Variants in FAM193A observed in about 807,000 individuals in gnomAD.
FAM193A encodes family with sequence similarity 193 member A.
A neutral mutation model predicts 126.5 loss-of-function variants in FAM193A; 22 were observed. The observed-to-expected ratio is 0.17, with a 90% CI of 0.12 to 0.25. FAM193A has a LOEUF of 0.25. Ranked by LOEUF, FAM193A falls within the 10% of genes least tolerant of loss-of-function variation. The pLI, the probability that FAM193A is intolerant of heterozygous loss-of-function variation, is 1.00. For synonymous variants in FAM193A, 761 were observed against 646.8 expected (o/e 1.18, Z -2.68); for missense variants, 1,675 against 1,672.8 (o/e 1.00, Z -0.02).
chr4:2,719,682 T>C (rs957204289), intron 20 of FAM193A, among the ~76,000 whole-genome samples: 14 of 150,914 alleles, frequency 9.3e-5, no homozygotes, highest in African/African-American at 3.4e-4. Flanking sequence ...GAGGCGGAGG[T>C]TGTGGTGAGC....
At chr4:2,592,505 AATGTAC>A (rs1389628811) in intron 1 of FAM193A, among the ~76,000 whole-genome samples, 3 of 152,226 alleles carry the variant, frequency 2.0e-5, no homozygotes, top group Non-Finnish European at 4.4e-5. Flanking sequence ...GGACCAAAAA[AATGTAC>A]CAAGTAGTAG....
At chr4:2,675,423 A>G (rs759054943) in intron 13 of FAM193A, among the ~76,000 whole-genome samples, 4 of 152,042 alleles carry the variant, frequency 2.6e-5, no homozygotes, top group African/African-American at 9.7e-5. Flanking sequence ...AAAGTTTGAT[A>G]CTCTGTTATT....
In FAM193A at chr4:2,662,879, T is replaced by C; in HGVS notation, c.1787T>C (p.Phe596Ser). 2 of 1,611,950 alleles carry C rather than the reference T, an allele frequency of 1.2e-6. No individual in the cohort carries two copies. The highest frequency in any genetic ancestry group is 1.7e-6 in the Non-Finnish European group (2 of 1,178,138). The change falls in exon 11 of 21, where the codon TTT becomes TCT. Residue 596 changes from phenylalanine (F) to serine (S), a missense_variant. Phe to Ser is a radical substitution (Grantham distance 155). This residue lies in a region of FAM193A where 1,186 missense variants were observed against 1,109.2 expected (regional missense o/e 1.07). Coordinates refer to ENST00000637812, the MANE Select transcript of FAM193A (RefSeq NM_001366318.2). ...GATGTTGCACCATTGTCAGCCAAATTTGCTGATATTTATCCATTGAGTAAT... is the reference window on the plus strand; with the variant it reads ...GATGTTGCACCATTGTCAGCCAAATCTGCTGATATTTATCCATTGAGTAAT... ...DEDVAPLSAK[F>S]ADIYPLSNYD...
chr4:2,689,720 A>C lies in FAM193A; in HGVS notation c.2530+16A>C, dbSNP rs1397987302. On this transcript the variant is annotated intron_variant, in intron 14 of 20. Transcript: ENST00000637812. Reference sequence around the variant, plus strand: ...ACAATTTCTGGTAAGGAATTTGTTAAAACTTTCTTGAAGTTTTAAAATAAC... The same window carrying C: ...ACAATTTCTGGTAAGGAATTTGTTACAACTTTCTTGAAGTTTTAAAATAAC... The C allele has an allele frequency of 6.4e-7, 1 of 1,554,740 alleles. No homozygotes were observed. Among genetic ancestry groups the C allele is most frequent in the Non-Finnish European group, 8.7e-7 (1 of 1,152,756 alleles).
At chr4:2,553,510 A>G (rs1373158956) in intron 1 of FAM193A, among the ~76,000 whole-genome samples, 4 of 151,076 alleles carry the variant, frequency 2.6e-5, no homozygotes, top group Non-Finnish European at 5.9e-5. Flanking sequence ...CCCCCTGAGT[A>G]GCTGGGACTA....
At chr4:2,590,051 C>T (rs1002772037) in intron 1 of FAM193A, among the ~76,000 whole-genome samples, 4 of 150,244 alleles carry the variant, frequency 2.7e-5, no homozygotes, top group Non-Finnish European at 5.9e-5. Flanking sequence ...AGGAGAATTG[C>T]TTGAATCCAG....
At chr4:2,610,109 G>C (rs993667111) in intron 2 of FAM193A, among the ~76,000 whole-genome samples, 3 of 151,890 alleles carry the variant, frequency 2.0e-5, no homozygotes, top group Admixed American at 1.3e-4. Flanking sequence ...GCGGGTGCCT[G>C]TAATCCCAGC....
At chr4:2,649,461 C>A (rs1452906613) in intron 7 of FAM193A, among the ~76,000 whole-genome samples, 1 of 151,558 alleles carries the variant, frequency 6.6e-6, no homozygotes, top group East Asian at 1.9e-4. Context: ...TTACTTGAGC[C>A]CAGAAGTTTG....
intron 1 of FAM193A, among the ~76,000 whole-genome samples, chr4:2,558,155 T>C (rs1738377235): frequency 6.6e-6 from 1 of 151,816 alleles, no homozygotes; most frequent in Non-Finnish European, 1.5e-5. Context: ...GCCTGTAATC[T>C]TAGCTACTGG....
At chr4:2,586,847 T>C (rs1740268358) in intron 1 of FAM193A, among the ~76,000 whole-genome samples, 1 of 151,712 alleles carries the variant, frequency 6.6e-6, no homozygotes, top group Non-Finnish European at 1.5e-5. Flanking sequence ...AGAGACGGGG[T>C]CTCCCTCTGT....
chr4:2,644,354 G>A (rs1052679955), intron 6 of FAM193A, among the ~76,000 whole-genome samples: 1 of 152,162 alleles, frequency 6.6e-6, no homozygotes, highest in Non-Finnish European at 1.5e-5. Flanking sequence ...CAACGTTCCA[G>A]GTGGAGCAAG....
intron 2 of FAM193A, among the ~76,000 whole-genome samples, chr4:2,621,045 G>C (rs1292086581): frequency 6.6e-6 from 1 of 151,982 alleles, no homozygotes; most frequent in Non-Finnish European, 1.5e-5. Flanking sequence ...TAGCAGAGAG[G>C]CTCCCTGAGG....
At position 2,608,892 on chromosome 4, in the gene FAM193A, CT is replaced by C. The variant is rs747565544; in HGVS notation, c.501+12579del. Among the ~76,000 whole-genome samples the C allele has an allele frequency of 4.5e-3, 618 of 138,028 alleles. 4 individuals are homozygous for C. The highest frequency in any genetic ancestry group is 0.025 in the Admixed American group (349 of 13,824). 90.6% of individuals were successfully genotyped at this position (138,028 alleles called of 152,430 possible). ...ATAATGTTGTTAATTTGAATTTCACCTTTTTTTTTTTTTTTTGAGACAGAGT... is the reference window on the plus strand; with the variant it reads ...ATAATGTTGTTAATTTGAATTTCACCTTTTTTTTTTTTTTTGAGACAGAGT... On this transcript the variant is annotated intron_variant, in intron 2 of 20. Coordinates refer to ENST00000637812, the MANE Select transcript of FAM193A (RefSeq NM_001366318.2).
intron 1 of FAM193A, among the ~76,000 whole-genome samples, chr4:2,552,080 C>G (rs1228527401): frequency 6.9e-6 from 1 of 145,554 alleles, no homozygotes; most frequent in African/African-American, 2.5e-5. Context: ...GGCTGGATCT[C>G]GGCTCACTGC....
At chr4:2,727,354 G>C (rs1300109437) in intron 20 of FAM193A, among the ~76,000 whole-genome samples, 2 of 152,142 alleles carry the variant, frequency 1.3e-5, no homozygotes, top group African/African-American at 4.8e-5. Flanking sequence ...GTTTGTTTTA[G>C]AGAGTGCTCT....
chr4:2,604,552 C>T (rs140887421), intron 2 of FAM193A, among the ~76,000 whole-genome samples: 3 of 152,240 alleles, frequency 2.0e-5, no homozygotes, highest in African/African-American at 4.8e-5. Context: ...TAAGTCTTGG[C>T]GTATCATTCC....
At chr4:2,613,766 TTC>T (rs1328733386) in intron 2 of FAM193A, among the ~76,000 whole-genome samples, 21 of 95,946 alleles carry the variant, frequency 2.2e-4, no homozygotes, top group African/African-American at 1.2e-3. Flanking sequence ...TTTTTTTTTT[TTC>T]TTTTTCTTTT....
At chr4:2,585,516 C>T (rs1740184065) in intron 1 of FAM193A, among the ~76,000 whole-genome samples, 1 of 152,106 alleles carries the variant, frequency 6.6e-6, no homozygotes, top group Admixed American at 6.6e-5. Flanking sequence ...GTGAAGAACC[C>T]GTTCAAGTCT....
intron 19 of FAM193A, 87 bp downstream of exon 19, chr4:2,700,631 GCATGCTCTCGC>G: frequency 1.3e-6 from 2 of 1,491,390 alleles, no homozygotes; most frequent in African/African-American, 2.8e-5. Context: ...ACTGGGTTTG[GCATGCTCTCGC>G]CATGTGGCCT....
Sources: gnomAD v4.1 joint callset for allele counts (sites outside exome capture counted in the v4.1 genomes callset) on GRCh38, gnomAD v4.1.1 for gene constraint, gnomAD v4.1.1 regional missense constraint, MANE v1.5 for transcripts, NCBI Gene and HGNC (gene_info 2026-07-23, HGNC 2026-07-21) for gene names.